The following PHF24 variants were observed in gnomAD, a reference collection of about 807,000 sequenced individuals.
The protein encoded by PHF24 is Galpha inhibitory interacting protein.
PHF24 carries 25 observed loss-of-function variants against 42.6 expected under a neutral mutation model. The observed-to-expected ratio is 0.59, with a 90% confidence interval of 0.43 to 0.82. PHF24 has a LOEUF of 0.82. Among genes scored for constraint, PHF24 ranks in the 40% least tolerant of loss-of-function variants. The pLI is 0.00. For missense variants in PHF24, 470 were observed against 538.1 expected (o/e 0.87, Z 1.25); for synonymous variants, 185 against 204.8 (o/e 0.90, Z 0.83).
chr9:34,880,490 C>T, the PHF24 span, among the ~76,000 whole-genome samples: 1 of 151,686 alleles, frequency 6.6e-6, no homozygotes, highest in Admixed American at 6.6e-5. Flanking sequence ...CACATAGGCT[C>T]AAAATAAAGG....
chr9:34,698,558 C>T, the PHF24 span, among the ~76,000 whole-genome samples: 5 of 152,080 alleles, frequency 3.3e-5, no homozygotes, highest in Admixed American at 6.6e-5. Context: ...AGTGCAATCG[C>T]GCGATCTCGG....
the PHF24 span, among the ~76,000 whole-genome samples, chr9:34,707,970 T>C: frequency 6.6e-6 from 1 of 152,146 alleles, no homozygotes; most frequent in Non-Finnish European, 1.5e-5. Flanking sequence ...GACCTCATGA[T>C]CCGCCTGCCT....
the PHF24 span, among the ~76,000 whole-genome samples, chr9:34,943,044 A>G: frequency 6.6e-6 from 1 of 152,068 alleles, no homozygotes; most frequent in Non-Finnish European, 1.5e-5. Context: ...TTCACTGGCC[A>G]TATACCATGT....
the PHF24 span, chr9:34,922,316 T>A: frequency 6.3e-7 from 1 of 1,589,928 alleles, no homozygotes; most frequent in Non-Finnish European, 8.6e-7. Context: ...ATGTATCAAG[T>A]TCAGCAATGG....
At chr9:34,730,202 A>G in the PHF24 span, among the ~76,000 whole-genome samples, 3 of 151,856 alleles carry the variant, frequency 2.0e-5, no homozygotes, top group African/African-American at 7.3e-5. Flanking sequence ...TTGCCTGAGG[A>G]TGTTTTTTTT....
the PHF24 span, among the ~76,000 whole-genome samples, chr9:34,781,541 A>C: frequency 6.6e-6 from 1 of 152,216 alleles, no homozygotes; most frequent in Non-Finnish European, 1.5e-5. Flanking sequence ...GTTGTACAAC[A>C]TTGTGAATGT....
chr9:34,967,935 C>G (rs1244140989), intron 1 of PHF24, among the ~76,000 whole-genome samples: 1 of 152,056 alleles, frequency 6.6e-6, no homozygotes. Flanking sequence ...CCAAAGCAAC[C>G]AGCAACAGGT....
the PHF24 span, chr9:34,836,942 C>G: frequency 3.0e-6 from 1 of 334,372 alleles, no homozygotes; most frequent in Non-Finnish European, 6.2e-6. Flanking sequence ...ACTAGTGAAC[C>G]AGCCTCCACT....
chr9:34,825,248 G>A, the PHF24 span, among the ~76,000 whole-genome samples: 1 of 152,002 alleles, frequency 6.6e-6, no homozygotes, highest in Non-Finnish European at 1.5e-5. Context: ...CCCTCAGGGT[G>A]ATGGGTGTAT....
chr9:34,720,925 T>G, the PHF24 span, among the ~76,000 whole-genome samples: 3 of 152,230 alleles, frequency 2.0e-5, no homozygotes, highest in South Asian at 4.2e-4. Context: ...TCCAGAATCT[T>G]TCTCCACCTC....
chr9:34,807,136 G>A, the PHF24 span, among the ~76,000 whole-genome samples: 1 of 152,194 alleles, frequency 6.6e-6, no homozygotes, highest in Non-Finnish European at 1.5e-5. Context: ...TAGGGAGACA[G>A]CATTCAGTCT....
At chr9:34,981,696 T>A (rs1827394593) in exon 8 of PHF24, 1 of 152,022 alleles carries the variant, frequency 6.6e-6, no homozygotes, top group Non-Finnish European at 1.5e-5. Context: ...AGTCCCTTTT[T>A]ACCCCTCCTC....
the PHF24 span, among the ~76,000 whole-genome samples, chr9:34,752,930 C>G: frequency 1.3e-5 from 2 of 151,946 alleles, no homozygotes; most frequent in Non-Finnish European, 2.9e-5. Flanking sequence ...AATGAAGGAC[C>G]AAATCATGTG....
chr9:34,680,675 G>T, the PHF24 span, among the ~76,000 whole-genome samples: 1 of 138,716 alleles, frequency 7.2e-6, no homozygotes, highest in African/African-American at 2.6e-5. Flanking sequence ...GCGACAGAGC[G>T]AGACTCCGTC....
chr9:34,764,973 G>A, the PHF24 span, among the ~76,000 whole-genome samples: 1 of 152,050 alleles, frequency 6.6e-6, no homozygotes, highest in Non-Finnish European at 1.5e-5. Flanking sequence ...TAGTCATTCA[G>A]GAGCAGGTTG....
chr9:34,974,966 C>T (rs1242797670), intron 3 of PHF24, among the ~76,000 whole-genome samples: 2 of 152,118 alleles, frequency 1.3e-5, no homozygotes, highest in Admixed American at 1.3e-4. Flanking sequence ...CTCTTCCCTT[C>T]TTCATTCTCA....
chr9:34,896,890 TCACACCTGTAATCC>T, the PHF24 span, among the ~76,000 whole-genome samples: 1 of 152,132 alleles, frequency 6.6e-6, no homozygotes, highest in Non-Finnish European at 1.5e-5. Flanking sequence ...GTGCGGCGGC[TCACACCTGTAATCC>T]CAGCACTTTG....
the PHF24 span, among the ~76,000 whole-genome samples, chr9:34,778,136 A>G: frequency 6.6e-6 from 1 of 152,042 alleles, no homozygotes; most frequent in Non-Finnish European, 1.5e-5. Context: ...GTGATTATCT[A>G]CTCACTATTT....
chr9:34,883,962 G>A, the PHF24 span, among the ~76,000 whole-genome samples: 2 of 152,130 alleles, frequency 1.3e-5, no homozygotes, highest in African/African-American at 2.4e-5. Flanking sequence ...CTTGGAACCA[G>A]CCCAAATGTC....
Sources: gnomAD v4.1 joint callset for allele counts (sites outside exome capture counted in the v4.1 genomes callset) on GRCh38, gnomAD v4.1.1 for gene constraint, MANE v1.5 for transcripts, NCBI Gene and HGNC (gene_info 2026-07-23, HGNC 2026-07-21) for gene names.